Variants in RAB3IP observed in about 807,000 individuals in gnomAD.
The protein encoded by RAB3IP is rab-3A-interacting protein.
Under a neutral mutation model 59.1 loss-of-function variants are expected in RAB3IP, and 36 were observed. The ratio of observed to expected loss-of-function variants is 0.61; its 90% confidence interval spans 0.47 to 0.80. The LOEUF (loss-of-function observed/expected upper bound fraction) is 0.80. Ranked by LOEUF, RAB3IP falls within the 30% of genes least tolerant of loss-of-function variation. The pLI is 0.00. For synonymous variants in RAB3IP, 207 were observed against 191.2 expected, an observed-to-expected ratio of 1.08 and a Z score of -0.68; for missense variants, 511 against 536.0, an observed-to-expected ratio of 0.95 and a Z score of 0.46.
chr12:69,794,316 A>G, intron 4 of RAB3IP, 121 bp from the exon 5 acceptor site: 2 of 716,328 alleles, frequency 2.8e-6, no homozygotes, highest in Non-Finnish European at 2.4e-6. Flanking sequence ...TTGACATTGA[A>G]TACTTAACTT....
chr12:69,767,684 CT>C (rs529616846), intron 3 of RAB3IP, among the ~76,000 whole-genome samples: 263 of 152,224 alleles, frequency 1.7e-3, no homozygotes, highest in African/African-American at 5.9e-3. Flanking sequence ...GAGGACCCCC[CT>C]ATACCAAGGC....
chr12:69,749,590 T>A (rs1868900933), intron 1 of RAB3IP, among the ~76,000 whole-genome samples: 1 of 152,242 alleles, frequency 6.6e-6, no homozygotes, highest in Non-Finnish European at 1.5e-5. Flanking sequence ...TATTCATAGC[T>A]TGTGCTCCAG....
At chr12:69,765,544 A>G (rs1351550589) in intron 3 of RAB3IP, among the ~76,000 whole-genome samples, 1 of 152,068 alleles carries the variant, frequency 6.6e-6, no homozygotes, top group Admixed American at 6.5e-5. Context: ...GTTTGGTAGT[A>G]TTTTGTTGAG....
rs1201945324 is a variant in RAB3IP, at chr12:69,806,253, A to G, written c.1130+4532A>G. Among the ~76,000 whole-genome samples, 5 of 152,190 alleles carry G rather than the reference A, an allele frequency of 3.3e-5. No individual in the cohort carries two copies. The East Asian group carries it at 9.6e-4, about 29-fold the overall frequency. On this transcript the variant is annotated intron_variant, in intron 8 of 10. Transcript: ENST00000247833. ...AGTGTATGTGTCGAGGAATTTATCC[A>G]TTTCTTCTAGATTTTCTAGTTTATT...
chr12:69,765,692 C>T (rs1028163328), intron 3 of RAB3IP, among the ~76,000 whole-genome samples: 12 of 152,132 alleles, frequency 7.9e-5, no homozygotes, highest in African/African-American at 1.9e-4. Context: ...CTCAGGCTGC[C>T]GAACGAAGCA....
At chr12:69,739,815 A>G (rs761196849) in intron 1 of RAB3IP, 10 of 1,613,828 alleles carry the variant, frequency 6.2e-6, no homozygotes, top group Non-Finnish European at 8.5e-6. Context: ...TGCTGGGTGG[A>G]AGTCGCAGCA....
chr12:69,800,429 A>T (rs2136244984), intron 7 of RAB3IP, 92 bp downstream of exon 7: 1 of 727,016 alleles, frequency 1.4e-6, no homozygotes, highest in East Asian at 3.4e-5. Context: ...TATCTCTTAC[A>T]TAAATAAGTT....
intron 1 of RAB3IP, among the ~76,000 whole-genome samples, chr12:69,740,968 C>T (rs1192591985): frequency 2.6e-5 from 4 of 152,222 alleles, no homozygotes; most frequent in Non-Finnish European, 5.9e-5. Flanking sequence ...ACTTACTGTG[C>T]ATAAAACCTT....
At chr12:69,787,892 C>T (rs968764214) in intron 4 of RAB3IP, among the ~76,000 whole-genome samples, 29 of 152,076 alleles carry the variant, frequency 1.9e-4, no homozygotes, top group African/African-American at 6.0e-4. Context: ...ATTATACACA[C>T]TTGCTAATGG....
intron 1 of RAB3IP, chr12:69,740,014 T>C (rs968954853): frequency 1.4e-6 from 1 of 711,396 alleles, no homozygotes. Flanking sequence ...CAGTGTCGGG[T>C]TAAAAGCCTT....
chr12:69,754,343 GCACA>G lies in RAB3IP; in HGVS notation c.-25-1017_-25-1014del, dbSNP rs57626649. 3.1e-4 allele frequency among the ~76,000 whole-genome samples: 41 copies of G among 132,830 alleles called. No homozygotes were observed. The South Asian group carries it at 3.8e-3, about 12-fold the overall frequency. 87.1% of individuals were successfully genotyped at this position (132,830 alleles called of 152,430 possible). On this transcript the variant is annotated intron_variant, in intron 1 of 10. Coordinates refer to ENST00000247833, the MANE Select transcript of RAB3IP (RefSeq NM_022456.5). ...CACACACACATACACAGATACACGG[GCACA>G]CACACACACACACACACACACACTG... is the stretch of plus-strand genomic sequence containing the variant.
intron 1 of RAB3IP, among the ~76,000 whole-genome samples, chr12:69,740,210 G>A (rs900365611): frequency 6.6e-6 from 1 of 152,130 alleles, no homozygotes; most frequent in Non-Finnish European, 1.5e-5. Flanking sequence ...GAGAAAAGAG[G>A]CAGAATAGGG....
rs57626649 is a variant in RAB3IP, at chr12:69,754,343, GCACACA to G, written c.-25-1019_-25-1014del. 1.2e-4 allele frequency among the ~76,000 whole-genome samples: 16 copies of G among 132,832 alleles called. No individual in the cohort carries two copies. The South Asian group carries it at 3.6e-3, about 30-fold the overall frequency. 87.1% of individuals were successfully genotyped at this position (132,832 alleles called of 152,430 possible). A position where few individuals can be genotyped will look rare whatever the true frequency, so the allele number is the denominator to read the frequency against. ...CACACACACATACACAGATACACGG[GCACACA>G]CACACACACACACACACACACTGTG... On this transcript the variant is annotated intron_variant, in intron 1 of 10. Transcript: ENST00000247833.
chr12:69,807,087 C>A (rs1879449035), intron 8 of RAB3IP, among the ~76,000 whole-genome samples: 1 of 152,202 alleles, frequency 6.6e-6, no homozygotes, highest in Non-Finnish European at 1.5e-5. Context: ...TCGACGGTCG[C>A]TGTCTCTTCG....
At chr12:69,807,910 G>A (rs1879734669) in intron 8 of RAB3IP, among the ~76,000 whole-genome samples, 1 of 152,154 alleles carries the variant, frequency 6.6e-6, no homozygotes. Flanking sequence ...AGATGGGGCG[G>A]CCGGGCGGAG....
chr12:69,752,974 C>T (rs2136120120), intron 1 of RAB3IP, among the ~76,000 whole-genome samples: 1 of 152,126 alleles, frequency 6.6e-6, no homozygotes, highest in East Asian at 1.9e-4. Flanking sequence ...TATTAAACAC[C>T]TTACATTCCT....
intron 1 of RAB3IP, among the ~76,000 whole-genome samples, chr12:69,752,352 C>T (rs913845317): frequency 6.9e-6 from 1 of 144,994 alleles, no homozygotes; most frequent in Non-Finnish European, 1.5e-5. Context: ...TTTTTATTCT[C>T]CTTTTTTAGA....
At chr12:69,780,145 T>A (rs1294818164) in intron 3 of RAB3IP, among the ~76,000 whole-genome samples, 1 of 152,174 alleles carries the variant, frequency 6.6e-6, no homozygotes, top group African/African-American at 2.4e-5. Context: ...ACCCTGACTG[T>A]GAGGAAGTTG....
chr12:69,815,516 T>G lies in RAB3IP; in HGVS notation c.*70T>G. 1 of 1,105,058 alleles carries G rather than the reference T, an allele frequency of 9.0e-7. No individual in the cohort carries two copies. Among genetic ancestry groups the G allele is most frequent in the Admixed American group, 1.8e-5 (1 of 55,426 alleles). 68.5% of individuals were successfully genotyped at this position (1,105,058 alleles called of 1,614,324 possible). A position where few individuals can be genotyped will look rare whatever the true frequency, so the allele number is the denominator to read the frequency against. ...ATGGCTGAATATTTTTATGGTTACTTGATATTTATTTCCAAGGAGTGAGCC... is the reference window on the plus strand; with the variant it reads ...ATGGCTGAATATTTTTATGGTTACTGGATATTTATTTCCAAGGAGTGAGCC... On this transcript the variant is annotated 3_prime_UTR_variant, in exon 11 of 11. Transcript: ENST00000247833.
Sources: allele counts gnomAD v4.1 joint callset (sites outside exome capture counted in the v4.1 genomes callset), GRCh38; gene constraint gnomAD v4.1.1; transcripts MANE v1.5; gene names NCBI Gene and HGNC (gene_info 2026-07-23, HGNC 2026-07-21).